The following XKR6 variants were observed in gnomAD, a reference collection of about 807,000 sequenced individuals.
XKR6 encodes the protein XK-related protein 6.
In XKR6, 22 loss-of-function variants were observed where a neutral mutation model predicts 56.7. The observed-to-expected ratio is 0.39, with a 90% CI of 0.28 to 0.55. XKR6 has a LOEUF of 0.55. Ranked by LOEUF, XKR6 falls within the 20% of genes least tolerant of loss-of-function variation. The pLI is 0.66. For missense variants in XKR6, 852 were observed against 889.0 expected, an observed-to-expected ratio of 0.96 and a Z score of 0.53; for synonymous variants, 524 against 387.8, an observed-to-expected ratio of 1.35 and a Z score of -4.13.
At chr8:11,127,348 G>C (rs1329264820) in intron 1 of XKR6, among the ~76,000 whole-genome samples, 1 of 152,180 alleles carries the variant, frequency 6.6e-6, no homozygotes, top group Non-Finnish European at 1.5e-5. Context: ...CACATAATAA[G>C]TTACCCATCT....
At chr8:11,174,316 C>A (rs1802543179) in intron 1 of XKR6, among the ~76,000 whole-genome samples, 1 of 152,226 alleles carries the variant, frequency 6.6e-6, no homozygotes, top group Admixed American at 6.5e-5. Context: ...TGCAACAAAA[C>A]CCACGTATTT....
intron 1 of XKR6, 113 bp from the exon 2 acceptor site, chr8:10,924,943 C>A: frequency 5.2e-6 from 6 of 1,160,502 alleles, no homozygotes; most frequent in Non-Finnish European, 6.0e-6. Context: ...ACTCCCTATG[C>A]TCTGAAGTTC....
intron 1 of XKR6, among the ~76,000 whole-genome samples, chr8:11,111,006 CTATTTTTTTTTTTT>C (rs1798865964): frequency 1.1e-5 from 1 of 94,818 alleles, no homozygotes; most frequent in African/African-American, 5.8e-5. Context: ...CTGGCTTTTT[CTATTTTTTTTTTTT>C]TTTTTTTTTT....
chr8:10,948,179 A>C (rs1801608649), intron 1 of XKR6, among the ~76,000 whole-genome samples: 1 of 152,184 alleles, frequency 6.6e-6, no homozygotes, highest in African/African-American at 2.4e-5. Flanking sequence ...GCTACGGGTG[A>C]AGAGGCTGGG....
intron 1 of XKR6, among the ~76,000 whole-genome samples, chr8:11,007,541 C>G (rs949666117): frequency 6.6e-6 from 1 of 152,182 alleles, no homozygotes; most frequent in South Asian, 2.1e-4. Context: ...CTCTCCTCAT[C>G]ATCGCCATCA....
At chr8:11,165,961 T>G (rs1802050799) in intron 1 of XKR6, among the ~76,000 whole-genome samples, 1 of 145,050 alleles carries the variant, frequency 6.9e-6, no homozygotes, top group Non-Finnish European at 1.5e-5. Context: ...TTTTTTGGGT[T>G]TTTTTTTTTT....
intron 1 of XKR6, among the ~76,000 whole-genome samples, chr8:11,095,294 G>T (rs1798232552): frequency 6.6e-6 from 1 of 152,178 alleles, no homozygotes; most frequent in Non-Finnish European, 1.5e-5. Context: ...AAACAGCAAT[G>T]AATCTTGGTT....
At chr8:11,103,899 GCAAAGTAATGCCTT>G (rs1364682291) in intron 1 of XKR6, among the ~76,000 whole-genome samples, 3 of 152,156 alleles carry the variant, frequency 2.0e-5, no homozygotes, top group African/African-American at 7.2e-5. Flanking sequence ...AATTTTAATG[GCAAAGTAATGCCTT>G]CCACTGTTGC....
intron 1 of XKR6, among the ~76,000 whole-genome samples, chr8:10,953,323 T>C (rs1801784663): frequency 6.6e-6 from 1 of 152,082 alleles, no homozygotes; most frequent in Admixed American, 6.6e-5. Flanking sequence ...GGAGATCTGG[T>C]TGTTTAAAAG....
chr8:11,151,531 G>A lies in XKR6; in HGVS notation c.764+49045C>T, dbSNP rs557127954. The stretch of plus-strand genomic sequence containing the variant: ...ACAGATGTAATATAATTCTACCCAT[G>A]TGAACAAGATGTGACATTTCCCTAA... On this transcript the variant is annotated intron_variant, in intron 1 of 2. Coordinates refer to ENST00000416569, the MANE Select transcript of XKR6 (RefSeq NM_173683.4). Among the ~76,000 whole-genome samples the A allele has an allele frequency of 3.3e-5, 5 of 152,252 alleles. No homozygotes were observed. The South Asian group carries it at 8.3e-4, about 25-fold the overall frequency.
At chr8:11,189,296 C>A (rs772839098) in intron 1 of XKR6, among the ~76,000 whole-genome samples, 9 of 152,218 alleles carry the variant, frequency 5.9e-5, no homozygotes, top group Non-Finnish European at 1.3e-4. Flanking sequence ...TGGGGATCAT[C>A]TGTGTTCATA....
intron 1 of XKR6, among the ~76,000 whole-genome samples, chr8:10,982,758 C>T (rs975268247): frequency 6.6e-6 from 1 of 152,134 alleles, no homozygotes; most frequent in Non-Finnish European, 1.5e-5. Context: ...GTGACCTTAA[C>T]CTGCTGTGGT....
rs1798761150 is a variant in XKR6, at chr8:11,022,082, A to C, written c.765-97252T>G. Among the ~76,000 whole-genome samples the C allele has an allele frequency of 2.7e-5, 4 of 150,216 alleles. No individual in the cohort carries two copies. In the South Asian group the frequency reaches 8.6e-4, roughly 32 times the overall value. ...TGGCCCACTGGGGAGCTTTTTCAGA[A>C]ATATAACCAAAGAAGCCCCTGCCCT... On this transcript the variant is annotated intron_variant, in intron 1 of 2. Coordinates refer to ENST00000416569, the MANE Select transcript of XKR6 (RefSeq NM_173683.4).
chr8:10,958,317 G>T (rs114799538), intron 1 of XKR6, among the ~76,000 whole-genome samples: 188 of 152,202 alleles, frequency 1.2e-3, no homozygotes, highest in African/African-American at 4.3e-3. Context: ...GGCTTGGGGA[G>T]CATGTGAGTC....
chr8:11,181,632 T>A (rs1258278984), intron 1 of XKR6, among the ~76,000 whole-genome samples: 2 of 152,228 alleles, frequency 1.3e-5, no homozygotes, highest in African/African-American at 4.8e-5. Context: ...AGATAAGGTA[T>A]ATAAAGGAAG....
chr8:11,050,055 G>A (rs1039231716), intron 1 of XKR6, among the ~76,000 whole-genome samples: 10 of 152,034 alleles, frequency 6.6e-5, no homozygotes, highest in African/African-American at 1.9e-4. Flanking sequence ...TGAGCAACAC[G>A]CTCCAGTCCT....
chr8:11,185,182 C>A (rs1421472081), intron 1 of XKR6, among the ~76,000 whole-genome samples: 2 of 152,164 alleles, frequency 1.3e-5, no homozygotes, highest in African/African-American at 2.4e-5. Context: ...GTGCCCTGAG[C>A]TCCTAGGATA....
At chr8:10,983,063 AT>A (rs1465298327) in intron 1 of XKR6, among the ~76,000 whole-genome samples, 2 of 152,250 alleles carry the variant, frequency 1.3e-5, no homozygotes, top group African/African-American at 4.8e-5. Flanking sequence ...ACATCTTGCA[AT>A]TTGTAAATAA....
intron 1 of XKR6, among the ~76,000 whole-genome samples, chr8:11,131,690 C>G (rs1800110581): frequency 6.6e-6 from 1 of 152,124 alleles, no homozygotes; most frequent in Non-Finnish European, 1.5e-5. Flanking sequence ...AATGATGGAC[C>G]ACATATCTAA....
Sources: gnomAD v4.1 joint callset for allele counts (sites outside exome capture counted in the v4.1 genomes callset) on GRCh38, gnomAD v4.1.1 for gene constraint, MANE v1.5 for transcripts, NCBI Gene and HGNC (gene_info 2026-07-23, HGNC 2026-07-21) for gene names.